NDST4: variants seen among roughly 807,000 people sequenced by gnomAD.
NDST4 encodes the protein N-deacetylase and N-sulfotransferase 4, also known as N-heparan sulfate sulfotransferase 4.
Under a neutral mutation model 100.8 loss-of-function variants are expected in NDST4, and 63 were observed. The observed-to-expected ratio is 0.62, with a 90% CI of 0.51 to 0.77. The LOEUF is 0.77. NDST4 is among the 30% of genes least tolerant of loss of function. The pLI is 0.00. For synonymous variants in NDST4, 377 were observed against 361.8 expected, an observed-to-expected ratio of 1.04 and a Z score of -0.48; for missense variants, 943 against 1,018.4, an observed-to-expected ratio of 0.93 and a Z score of 1.01.
intron 6 of NDST4, among the ~76,000 whole-genome samples, chr4:114,929,150 A>C (rs1003216803): frequency 1.3e-5 from 2 of 150,950 alleles, no homozygotes; most frequent in Admixed American, 6.6e-5. Flanking sequence ...CTATCTATCT[A>C]TCTATCTATC....
At chr4:115,111,876 A>T (rs1265502560) in intron 1 of NDST4, among the ~76,000 whole-genome samples, 1 of 151,882 alleles carries the variant, frequency 6.6e-6, no homozygotes, top group African/African-American at 2.4e-5. Context: ...ATTGTTTAAT[A>T]TTGATCATCA....
Position 114,847,416 on chromosome 4 carries a change from A to AAAT in NDST4, c.1940+798_1940+799insATT, listed in dbSNP as rs1391736224. On this transcript the variant is annotated intron_variant, in intron 9 of 13. Coordinates refer to ENST00000264363, the MANE Select transcript of NDST4 (RefSeq NM_022569.3). ...AAAAAAAAAAAAAAAAAAAAAAAAA[A>AAAT]GTGTCTTTCATTGCAAACAGGTTCA... Among the ~76,000 whole-genome samples the AAAT allele has an allele frequency of 7.5e-4, 78 of 103,638 alleles. 8 individuals are homozygous for AAAT. The highest frequency in any genetic ancestry group is 1.2e-3 in the African/African-American group (29 of 23,592). 68.0% of individuals were successfully genotyped at this position (103,638 alleles called of 152,430 possible).
chr4:115,072,105 A>C (rs548280865), intron 2 of NDST4, among the ~76,000 whole-genome samples: 1 of 152,122 alleles, frequency 6.6e-6, no homozygotes, highest in Admixed American at 6.6e-5. Context: ...ACAAGACTAC[A>C]CTAAGACATG....
At chr4:114,862,912 G>A (rs1683023937) in intron 7 of NDST4, among the ~76,000 whole-genome samples, 3 of 152,068 alleles carry the variant, frequency 2.0e-5, no homozygotes, top group Non-Finnish European at 4.4e-5. Context: ...CTATCGGTAT[G>A]TTCCTCAATA....
At chr4:114,883,794 G>A (rs1032160914) in intron 6 of NDST4, among the ~76,000 whole-genome samples, 5 of 152,068 alleles carry the variant, frequency 3.3e-5, no homozygotes, top group South Asian at 2.1e-4. Context: ...CTGTTTCACC[G>A]TAGATAATCA....
chr4:114,943,505 G>C (rs1578404357), intron 4 of NDST4, among the ~76,000 whole-genome samples: 1 of 152,026 alleles, frequency 6.6e-6, no homozygotes, highest in Non-Finnish European at 1.5e-5. Context: ...GATTGGTTAG[G>C]TACGTTTGGG....
chr4:114,885,844 A>C (rs1724466090), intron 6 of NDST4, among the ~76,000 whole-genome samples: 2 of 152,222 alleles, frequency 1.3e-5, no homozygotes, highest in South Asian at 4.1e-4. Context: ...AATTTTATAC[A>C]TCTTTATCTT....
At chr4:115,010,145 A>G (rs1186982171) in intron 2 of NDST4, among the ~76,000 whole-genome samples, 2 of 127,586 alleles carry the variant, frequency 1.6e-5, no homozygotes, top group Non-Finnish European at 3.3e-5. Flanking sequence ...TCAGGGATCT[A>G]GAACTAGAAA....
intron 2 of NDST4, among the ~76,000 whole-genome samples, chr4:115,030,537 G>A (rs1320210845): frequency 1.3e-5 from 2 of 151,942 alleles, no homozygotes; most frequent in South Asian, 2.1e-4. Context: ...GAGAAAGAAG[G>A]GAAGTCTTAC....
chr4:114,960,212 C>G (rs74834491), intron 4 of NDST4, among the ~76,000 whole-genome samples: 3 of 152,158 alleles, frequency 2.0e-5, no homozygotes, highest in Non-Finnish European at 4.4e-5. Flanking sequence ...ACAGATATAT[C>G]AAAACTGAGA....
At chr4:115,036,590 G>C (rs1174281170) in intron 2 of NDST4, among the ~76,000 whole-genome samples, 2 of 151,740 alleles carry the variant, frequency 1.3e-5, no homozygotes, top group African/African-American at 4.8e-5. Flanking sequence ...TGACACAAGA[G>C]TTTAATAAAT....
intron 2 of NDST4, among the ~76,000 whole-genome samples, chr4:114,997,211 TC>T (rs1341118447): frequency 6.6e-6 from 1 of 152,118 alleles, no homozygotes; most frequent in Non-Finnish European, 1.5e-5. Flanking sequence ...AAACTAGTAT[TC>T]CCACTAACTA....
intron 6 of NDST4, among the ~76,000 whole-genome samples, chr4:114,930,505 A>C (rs775485234): frequency 6.6e-6 from 1 of 152,174 alleles, no homozygotes; most frequent in Non-Finnish European, 1.5e-5. Flanking sequence ...TTTTCATACA[A>C]TGTGAGTTTT....
intron 6 of NDST4, among the ~76,000 whole-genome samples, chr4:114,901,741 T>C (rs13109524): frequency 6.6e-6 from 1 of 151,824 alleles, no homozygotes; most frequent in Admixed American, 6.6e-5. Context: ...CCTTTTCTGG[T>C]TTTAGTTAAG....
At chr4:114,973,534 A>T (rs561256010) in intron 3 of NDST4, among the ~76,000 whole-genome samples, 12 of 150,124 alleles carry the variant, frequency 8.0e-5, no homozygotes, top group South Asian at 4.2e-4. Context: ...ACTTATTAAA[A>T]TTTTTTTTTT....
chr4:115,078,521 C>T (rs1162411593), intron 1 of NDST4, among the ~76,000 whole-genome samples: 2 of 152,028 alleles, frequency 1.3e-5, no homozygotes, highest in East Asian at 3.9e-4. Flanking sequence ...GTGCCCCTGC[C>T]CTGTGGATCT....
chr4:114,835,132 T>G (rs1368418499), intron 11 of NDST4, among the ~76,000 whole-genome samples: 1 of 152,148 alleles, frequency 6.6e-6, no homozygotes, highest in African/African-American at 2.4e-5. Context: ...TCTAATTTTC[T>G]AATTTTAGTT....
chr4:114,937,521 C>T lies in NDST4; in HGVS notation c.1222-18G>A, dbSNP rs758545689. On this transcript the variant is annotated intron_variant, in intron 4 of 13. Coordinates refer to ENST00000264363, the MANE Select transcript of NDST4 (RefSeq NM_022569.3). ...CCATGTTCCTAAAACAAAGCCAGAA[C>T]AACATCATGATGGGACAAGGCCAAT... 6.5e-7 allele frequency: 1 copy of T among 1,527,746 alleles called. No individual in the cohort carries two copies. The highest frequency in any genetic ancestry group is 1.3e-5 in the South Asian group (1 of 76,436). 94.6% of individuals were successfully genotyped at this position (1,527,746 alleles called of 1,614,324 possible).
chr4:115,024,533 T>A (rs1203469886), intron 2 of NDST4, among the ~76,000 whole-genome samples: 5 of 152,204 alleles, frequency 3.3e-5, no homozygotes, highest in Non-Finnish European at 7.3e-5. Context: ...ATGCCTCTCC[T>A]TTGCCTGTCC....
Sources: gnomAD v4.1 joint callset for allele counts (sites outside exome capture counted in the v4.1 genomes callset) on GRCh38, gnomAD v4.1.1 for gene constraint, MANE v1.5 for transcripts, NCBI Gene and HGNC (gene_info 2026-07-23, HGNC 2026-07-21) for gene names.